The following TENM4 variants were observed in gnomAD, a reference collection of about 807,000 sequenced individuals.
The protein encoded by TENM4 is teneurin-4.
In TENM4, 82 loss-of-function variants were observed where a neutral mutation model predicts 243.3. The ratio of observed to expected loss-of-function variants is 0.34; its 90% CI spans 0.28 to 0.40. TENM4 has a LOEUF of 0.40. TENM4 is among the 10% of genes least tolerant of loss of function. The pLI is 1.00. For synonymous variants in TENM4, 1,412 were observed against 1,456.3 expected (o/e 0.97, Z 0.69); for missense variants, 3,138 against 3,673.3 (o/e 0.85, Z 3.77).
chr11:78,944,730 T>C lies in TENM4; in HGVS notation c.494-41207A>G, dbSNP rs192668748. Among the ~76,000 whole-genome samples the C allele has an allele frequency of 1.3e-4, 20 of 152,356 alleles. No homozygotes were observed. In the East Asian group the frequency reaches 3.5e-3, roughly 26 times the overall value. On this transcript the variant is annotated intron_variant, in intron 6 of 33. Transcript: ENST00000278550. ...GTAGCTCTGTTCATTAAATGCTTTC[T>C]ATTTGCTAGGTACTGGGCTAAGAGC...
At chr11:79,417,203 T>TA (rs1032208843) in intron 1 of TENM4, among the ~76,000 whole-genome samples, 4 of 152,360 alleles carry the variant, frequency 2.6e-5, no homozygotes, top group African/African-American at 9.6e-5. Context: ...CGTTGACTCT[T>TA]ACGTAAGCAC....
intron 4 of TENM4, among the ~76,000 whole-genome samples, chr11:79,072,580 A>G (rs1185945570): frequency 1.3e-5 from 2 of 152,220 alleles, no homozygotes; most frequent in African/African-American, 4.8e-5. Flanking sequence ...AAGAGAAACA[A>G]AAGATTCACA....
intron 6 of TENM4, among the ~76,000 whole-genome samples, chr11:79,043,546 CT>C (rs1468480970): frequency 1.3e-5 from 2 of 152,194 alleles, no homozygotes; most frequent in East Asian, 1.9e-4. Flanking sequence ...GAAATAAACT[CT>C]GTTAAGCCAC....
At chr11:78,691,882 G>A (rs905001909) in intron 28 of TENM4, among the ~76,000 whole-genome samples, 6 of 152,186 alleles carry the variant, frequency 3.9e-5, no homozygotes, top group Non-Finnish European at 7.3e-5. Context: ...GAAATGACCT[G>A]GATCTCTTTG....
intron 9 of TENM4, among the ~76,000 whole-genome samples, chr11:78,872,512 C>T (rs749474643): frequency 1.3e-5 from 2 of 152,204 alleles, no homozygotes; most frequent in Non-Finnish European, 2.9e-5. Flanking sequence ...GCCATCATCA[C>T]ATTCCTTTCT....
At chr11:78,950,251 C>A (rs992491025) in intron 6 of TENM4, among the ~76,000 whole-genome samples, 2 of 152,204 alleles carry the variant, frequency 1.3e-5, no homozygotes, top group African/African-American at 4.8e-5. Context: ...CCAATAGAGG[C>A]ATCTGAACAG....
At chr11:79,213,004 A>G (rs1377923420) in intron 3 of TENM4, among the ~76,000 whole-genome samples, 1 of 152,140 alleles carries the variant, frequency 6.6e-6, no homozygotes, top group Non-Finnish European at 1.5e-5. Flanking sequence ...TGTGTCAGGC[A>G]CTGAGGGCTC....
intron 2 of TENM4, among the ~76,000 whole-genome samples, chr11:79,288,001 T>C (rs566943575): frequency 6.6e-6 from 1 of 152,354 alleles, no homozygotes; most frequent in South Asian, 2.1e-4. Context: ...ACAGCCTAAT[T>C]GATCTTTGGT....
At chr11:78,936,684 G>A (rs1856792565) in intron 6 of TENM4, among the ~76,000 whole-genome samples, 1 of 152,208 alleles carries the variant, frequency 6.6e-6, no homozygotes, top group Non-Finnish European at 1.5e-5. Context: ...CTAGCTGATG[G>A]TCAAACAACT....
At chr11:79,297,922 C>CT (rs140582710) in intron 1 of TENM4, among the ~76,000 whole-genome samples, 135 of 147,016 alleles carry the variant, frequency 9.2e-4, no homozygotes, top group African/African-American at 2.8e-3. Context: ...ACAATTTGGG[C>CT]TTTTTTTTTT....
At chr11:78,856,824 T>C (rs1350166501) in intron 10 of TENM4, among the ~76,000 whole-genome samples, 1 of 152,096 alleles carries the variant, frequency 6.6e-6, no homozygotes. Context: ...TGAGGGTAAA[T>C]ATAATATCTG....
At chr11:79,105,868 A>T (rs1290001093) in intron 4 of TENM4, among the ~76,000 whole-genome samples, 1 of 152,216 alleles carries the variant, frequency 6.6e-6, no homozygotes, top group African/African-American at 2.4e-5. Context: ...TAGTATTATG[A>T]ATTAATGGTG....
chr11:78,814,421 T>A, intron 12 of TENM4, 26 bp from the exon 13 acceptor site: 1 of 1,541,498 alleles, frequency 6.5e-7, no homozygotes, highest in Non-Finnish European at 8.8e-7. Flanking sequence ...AGAAGGAGAG[T>A]TGAAAACAAA....
intron 3 of TENM4, among the ~76,000 whole-genome samples, chr11:79,153,241 T>C (rs951443352): frequency 6.6e-6 from 1 of 152,158 alleles, no homozygotes; most frequent in Non-Finnish European, 1.5e-5. Context: ...CACAAGATTG[T>C]TATGGGGATT....
intron 29 of TENM4, 119 bp from the exon 30 acceptor site, chr11:78,676,506 C>T: frequency 1.5e-6 from 1 of 663,852 alleles, no homozygotes; most frequent in Non-Finnish European, 2.3e-6. Flanking sequence ...GAAAGCAATA[C>T]ATCATCACTG....
intron 6 of TENM4, among the ~76,000 whole-genome samples, chr11:78,948,338 CTA>C (rs1857045181): frequency 6.6e-6 from 1 of 151,460 alleles, no homozygotes; most frequent in African/African-American, 2.4e-5. Context: ...AACATACATA[CTA>C]TAGTTTAAAA....
chr11:78,711,371 T>C (rs1590958763), intron 26 of TENM4, among the ~76,000 whole-genome samples: 1 of 152,206 alleles, frequency 6.6e-6, no homozygotes, highest in African/African-American at 2.4e-5. Context: ...CTGTGCAGCA[T>C]ATCCCTATTA....
At chr11:79,009,176 C>T (rs11237682) in intron 6 of TENM4, among the ~76,000 whole-genome samples, 3,274 of 152,198 alleles carry the variant, frequency 0.022, 123 homozygotes, top group African/African-American at 0.075. Flanking sequence ...AAGCCCAACC[C>T]GAACACTAAC....
intron 2 of TENM4, among the ~76,000 whole-genome samples, chr11:79,231,141 C>T (rs191746564): frequency 2.1e-4 from 32 of 152,252 alleles, no homozygotes; most frequent in African/African-American, 7.7e-4. Flanking sequence ...GGACATGGAA[C>T]TGGCAAAATA....
Sources: gnomAD v4.1 joint callset for allele counts (sites outside exome capture counted in the v4.1 genomes callset) on GRCh38, gnomAD v4.1.1 for gene constraint, MANE v1.5 for transcripts, NCBI Gene and HGNC (gene_info 2026-07-23, HGNC 2026-07-21) for gene names.